The following TXNRD1 variants were observed in gnomAD, a reference collection of about 807,000 sequenced individuals.
TXNRD1 encodes the protein thioredoxin reductase 1.
TXNRD1 carries 57 observed loss-of-function variants against 80.3 expected under a neutral mutation model. The observed-to-expected ratio is 0.71, with a 90% CI of 0.57 to 0.89. TXNRD1 has a LOEUF of 0.89. Among genes scored for constraint, TXNRD1 ranks in the 40% least tolerant of loss-of-function variants. TXNRD1 has a pLI of 0.00. For missense variants in TXNRD1, 730 were observed against 803.0 expected (o/e 0.91, Z 1.10); for synonymous variants, 291 against 285.2 (o/e 1.02, Z -0.20).
intron 1 of TXNRD1, among the ~76,000 whole-genome samples, chr12:104,244,749 C>A (rs190961648): frequency 2.0e-5 from 3 of 152,252 alleles, no homozygotes; most frequent in Admixed American, 6.5e-5. Flanking sequence ...TTTGTTGTTT[C>A]TAATTTTTTG....
At position 104,325,363 on chromosome 12, in the gene TXNRD1, A is replaced by T. The variant is rs2035721575; in HGVS notation, c.1242A>T (p.Pro414=). 1 of 1,613,216 alleles carries T rather than the reference A, an allele frequency of 6.2e-7. No homozygotes were observed. The highest frequency in any genetic ancestry group is 8.5e-7 in the Non-Finnish European group (1 of 1,179,560). Residue 414 remains proline (P), a synonymous_variant, in exon 11 of 17, where the codon CCA becomes CCT. Transcript: ENST00000525566. ...TTGAACAAATTGAAGCAGGGACACCAGGCCGACTCAGAGTAGTAGCTCAGT... is the reference window on the plus strand; with the variant it reads ...TTGAACAAATTGAAGCAGGGACACCTGGCCGACTCAGAGTAGTAGCTCAGT... ...IKVEQIEAGT[P]GRLRVVAQST... is the part of the protein sequence containing the mutation.
intron 4 of TXNRD1, among the ~76,000 whole-genome samples, chr12:104,290,711 A>G (rs1593760890): frequency 8.9e-6 from 1 of 112,234 alleles, no homozygotes; most frequent in Non-Finnish European, 1.8e-5. Context: ...AAAAAAAAAA[A>G]GAAATATACA....
chr12:104,266,415 A>G (rs1041543226), intron 3 of TXNRD1, among the ~76,000 whole-genome samples: 2 of 150,846 alleles, frequency 1.3e-5, no homozygotes, highest in South Asian at 2.1e-4. Context: ...AGTCCTACCT[A>G]CTAGGGAGGC....
chr12:104,291,116 T>G, intron 4 of TXNRD1: 1 of 631,578 alleles, frequency 1.6e-6, no homozygotes, highest in South Asian at 1.8e-5. Flanking sequence ...TATAGTGCCA[T>G]GAATGAAAAG....
intron 3 of TXNRD1, among the ~76,000 whole-genome samples, chr12:104,267,700 TC>T (rs780342147): frequency 0.27 from 12,125 of 45,250 alleles, 810 homozygotes; most frequent in East Asian, 0.5. Flanking sequence ...TTTCTTTCTT[TC>T]TCTCTTTCTT....
At chr12:104,305,662 A>G (rs369252562) in intron 4 of TXNRD1, among the ~76,000 whole-genome samples, 11 of 152,222 alleles carry the variant, frequency 7.2e-5, no homozygotes, top group African/African-American at 1.9e-4. Flanking sequence ...ATTATATTTG[A>G]TAAGCTGGGC....
intron 16 of TXNRD1, among the ~76,000 whole-genome samples, chr12:104,341,432 G>C (rs915423938): frequency 1.3e-5 from 2 of 152,178 alleles, no homozygotes; most frequent in African/African-American, 2.4e-5. Flanking sequence ...CTTAGGAGGA[G>C]AGGAGGCAGC....
At chr12:104,253,948 C>T (rs2033184961) in intron 2 of TXNRD1, among the ~76,000 whole-genome samples, 1 of 152,198 alleles carries the variant, frequency 6.6e-6, no homozygotes. Context: ...CCACCCCAGC[C>T]TCCAAAAGTG....
chr12:104,316,578 G>T (rs565670098), intron 7 of TXNRD1, among the ~76,000 whole-genome samples: 3 of 152,040 alleles, frequency 2.0e-5, no homozygotes, highest in Admixed American at 1.3e-4. Context: ...TTTAGTAGAG[G>T]TGGGGTTTTA....
At chr12:104,303,221 A>G (rs930894509) in intron 4 of TXNRD1, among the ~76,000 whole-genome samples, 4 of 152,140 alleles carry the variant, frequency 2.6e-5, no homozygotes, top group Non-Finnish European at 5.9e-5. Context: ...TGGGTATTGG[A>G]GGGGGCTTGG....
chr12:104,219,353 A>G (rs1389143851), intron 1 of TXNRD1, among the ~76,000 whole-genome samples: 1 of 152,246 alleles, frequency 6.6e-6, no homozygotes, highest in African/African-American at 2.4e-5. Flanking sequence ...TATGTGGTTA[A>G]GTTTCAAGAA....
intron 16 of TXNRD1, among the ~76,000 whole-genome samples, chr12:104,344,270 G>A (rs978592618): frequency 2.6e-5 from 4 of 151,996 alleles, no homozygotes; most frequent in Non-Finnish European, 5.9e-5. Flanking sequence ...TGGGAGGGGA[G>A]ACGATGTGGC....
chr12:104,248,271 GTTTA>G (rs994696045), intron 1 of TXNRD1, among the ~76,000 whole-genome samples: 12 of 152,120 alleles, frequency 7.9e-5, no homozygotes, highest in South Asian at 6.2e-4. Flanking sequence ...AAATATGTTT[GTTTA>G]TTTATTTATT....
At chr12:104,267,677 C>CTTTGTTTCTTTG in intron 3 of TXNRD1, among the ~76,000 whole-genome samples, 1 of 49,412 alleles carries the variant, frequency 2.0e-5, no homozygotes, top group Admixed American at 2.4e-4. Flanking sequence ...TTCTTTCTTT[C>CTTTGTTTCTTTG]TTTCTTTCTT....
At chr12:104,327,801 T>C (rs533820245) in intron 13 of TXNRD1, 130 bp downstream of exon 13, 1 of 926,112 alleles carries the variant, frequency 1.1e-6, no homozygotes, top group South Asian at 1.9e-5. Context: ...ATCCTAGATG[T>C]CCTTTATTAG....
At chr12:104,304,738 T>C (rs1231610886) in intron 4 of TXNRD1, 2 of 1,613,818 alleles carry the variant, frequency 1.2e-6, no homozygotes, top group Admixed American at 3.3e-5. Context: ...TTGTAAGAGA[T>C]GGTTTTGCAA....
chr12:104,226,070 G>A (rs903388920), intron 1 of TXNRD1, among the ~76,000 whole-genome samples: 1 of 151,916 alleles, frequency 6.6e-6, no homozygotes, highest in Admixed American at 6.6e-5. Flanking sequence ...GCGTGTGGTG[G>A]GCACCTGTAA....
chr12:104,248,900 A>T (rs983148940), intron 1 of TXNRD1, among the ~76,000 whole-genome samples: 3 of 151,516 alleles, frequency 2.0e-5, no homozygotes, highest in African/African-American at 7.3e-5. Context: ...GCTCACTGCA[A>T]CCTCCCCCGC....
At chr12:104,338,727 C>G (rs929676946) in intron 15 of TXNRD1, among the ~76,000 whole-genome samples, 3 of 150,450 alleles carry the variant, frequency 2.0e-5, no homozygotes, top group Admixed American at 6.6e-5. Flanking sequence ...TGGTCATTTT[C>G]TTTTTTTGAG....
Sources: allele counts gnomAD v4.1 joint callset (sites outside exome capture counted in the v4.1 genomes callset), GRCh38; gene constraint gnomAD v4.1.1; transcripts MANE v1.5; gene names NCBI Gene and HGNC (gene_info 2026-07-23, HGNC 2026-07-21).